Variants in LSAMP observed in about 807,000 individuals in gnomAD.
LSAMP encodes limbic system-associated membrane protein.
LSAMP carries 7 observed loss-of-function variants against 38.6 expected under a neutral mutation model. The ratio of observed to expected loss-of-function variants is 0.18; its 90% CI spans 0.10 to 0.34. LSAMP has a LOEUF of 0.34. LSAMP is among the 10% of genes least tolerant of loss of function. The probability of loss-of-function intolerance (pLI) is 1.00; values close to 1 mark genes in which losing one functional copy is unlikely to be tolerated. For synonymous variants in LSAMP, 154 were observed against 166.8 expected (o/e 0.92, Z 0.59); for missense variants, 313 against 420.0 (o/e 0.75, Z 2.23).
chr3:115,977,294 T>A (rs564377751), intron 3 of LSAMP, among the ~76,000 whole-genome samples: 1 of 152,316 alleles, frequency 6.6e-6, no homozygotes, highest in South Asian at 2.1e-4. Flanking sequence ...CTGGTAAGTT[T>A]TCTGTCATCA....
At chr3:116,252,537 T>C (rs12492445) in intron 1 of LSAMP, among the ~76,000 whole-genome samples, 1 of 151,918 alleles carries the variant, frequency 6.6e-6, no homozygotes, top group Admixed American at 6.6e-5. Context: ...GAAAAAAAAA[T>C]AGAAGGAACA....
At chr3:116,091,184 C>T (rs1465373908) in intron 1 of LSAMP, among the ~76,000 whole-genome samples, 1 of 152,174 alleles carries the variant, frequency 6.6e-6, no homozygotes, top group Non-Finnish European at 1.5e-5. Flanking sequence ...TGATATTTCT[C>T]CCATTTGCTT....
intron 1 of LSAMP, among the ~76,000 whole-genome samples, chr3:116,416,334 C>T (rs193152821): frequency 1.3e-5 from 2 of 152,172 alleles, no homozygotes; most frequent in East Asian, 3.9e-4. Flanking sequence ...GTTGCAGTGA[C>T]ATGTAAATGT....
intron 2 of LSAMP, among the ~76,000 whole-genome samples, chr3:116,052,868 G>A (rs1022202762): frequency 5.9e-5 from 9 of 152,190 alleles, no homozygotes; most frequent in African/African-American, 2.2e-4. Flanking sequence ...CTCTAACCTG[G>A]TGCAGAGAAT....
At chr3:116,322,931 A>T (rs1243936308) in intron 1 of LSAMP, among the ~76,000 whole-genome samples, 1 of 152,160 alleles carries the variant, frequency 6.6e-6, no homozygotes, top group African/African-American at 2.4e-5. Flanking sequence ...TCAAAACCAC[A>T]AATAGAACTG....
intron 1 of LSAMP, among the ~76,000 whole-genome samples, chr3:116,224,138 G>A (rs2046317723): frequency 6.6e-6 from 1 of 152,150 alleles, no homozygotes; most frequent in Admixed American, 6.5e-5. Context: ...AGGCTTACAA[G>A]TTCAAGATCA....
At chr3:116,013,770 G>T (rs28410403) in intron 3 of LSAMP, among the ~76,000 whole-genome samples, 18,714 of 152,048 alleles carry the variant, frequency 0.12, 1,431 homozygotes, top group Non-Finnish European at 0.18. Context: ...AGATTTAAAC[G>T]TTCAAAGAAA....
At chr3:116,089,988 T>TTCTTAATTTTAGAA (rs890656521) in intron 1 of LSAMP, among the ~76,000 whole-genome samples, 3 of 151,884 alleles carry the variant, frequency 2.0e-5, no homozygotes, top group Non-Finnish European at 4.4e-5. Context: ...ACTAAATATT[T>TTCTTAATTTTAGAA]TCTTAATTTT....
At chr3:116,252,786 G>A (rs74410563) in intron 1 of LSAMP, among the ~76,000 whole-genome samples, 4,855 of 152,270 alleles carry the variant, frequency 0.032, 131 homozygotes, top group Middle Eastern at 0.11. Context: ...GGCTAGCTCC[G>A]CAGATGTCAT....
intron 6 of LSAMP, among the ~76,000 whole-genome samples, chr3:115,839,262 T>TTCCTTCCTTCC (rs1934909005): frequency 1.4e-4 from 11 of 78,674 alleles, no homozygotes; most frequent in African/African-American, 5.1e-4. Context: ...TCCTTCTTTC[T>TTCCTTCCTTCC]TTCCTTCCTT....
intron 1 of LSAMP, among the ~76,000 whole-genome samples, chr3:116,392,035 A>C (rs2048707690): frequency 6.6e-6 from 1 of 152,158 alleles, no homozygotes; most frequent in Non-Finnish European, 1.5e-5. Context: ...GCCTTGGGCC[A>C]CAGCATCCAG....
At chr3:116,019,763 A>G in intron 2 of LSAMP, 123 bp from the exon 3 acceptor site, 5 of 1,098,728 alleles carry the variant, frequency 4.6e-6, no homozygotes, top group Non-Finnish European at 5.3e-6. Flanking sequence ...GTTAAGAAGT[A>G]GGATGCTTTT....
At chr3:115,814,186 T>G (rs1345048484) in intron 6 of LSAMP, 1 of 152,122 alleles carries the variant, frequency 6.6e-6, no homozygotes, top group Non-Finnish European at 1.5e-5. Context: ...ATTTGTGAAA[T>G]GGGTCAAGGC....
At chr3:116,383,219 G>C (rs948803898) in intron 1 of LSAMP, among the ~76,000 whole-genome samples, 6 of 152,106 alleles carry the variant, frequency 3.9e-5, no homozygotes, top group Admixed American at 2.6e-4. Flanking sequence ...ATACTTTGAA[G>C]TATTTTTTCG....
chr3:115,866,400 C>T (rs1935860020), intron 3 of LSAMP, among the ~76,000 whole-genome samples: 1 of 152,080 alleles, frequency 6.6e-6, no homozygotes, highest in Non-Finnish European at 1.5e-5. Context: ...ACTAGATTTC[C>T]TTACTGTAAA....
At chr3:116,280,493 G>A (rs528949384) in intron 1 of LSAMP, among the ~76,000 whole-genome samples, 130 of 152,340 alleles carry the variant, frequency 8.5e-4, no homozygotes, top group Non-Finnish European at 1.5e-3. Flanking sequence ...CAGCTTGGCT[G>A]CGGGTCAGGA....
At chr3:116,079,618 T>A (rs1707828598) in intron 2 of LSAMP, among the ~76,000 whole-genome samples, 1 of 125,920 alleles carries the variant, frequency 7.9e-6, no homozygotes, top group African/African-American at 3.1e-5. Context: ...GGCAGCAGAG[T>A]GAGACTCTGT....
chr3:116,145,795 C>T (rs551596219), intron 1 of LSAMP, among the ~76,000 whole-genome samples: 29 of 151,906 alleles, frequency 1.9e-4, no homozygotes, highest in South Asian at 1.5e-3. Flanking sequence ...ATATGACTTT[C>T]GCAGATACAA....
intron 2 of LSAMP, among the ~76,000 whole-genome samples, chr3:116,046,600 C>G (rs780351834): frequency 6.6e-6 from 1 of 152,094 alleles, no homozygotes; most frequent in Non-Finnish European, 1.5e-5. Context: ...CTGGAGCAGA[C>G]GGAGGAATGA....
Sources: gnomAD v4.1 joint callset for allele counts (sites outside exome capture counted in the v4.1 genomes callset) on GRCh38, gnomAD v4.1.1 for gene constraint, MANE v1.5 for transcripts, NCBI Gene and HGNC (gene_info 2026-07-23, HGNC 2026-07-21) for gene names.